The following CHRNA7 variants were observed in gnomAD, a reference collection of about 807,000 sequenced individuals.
The protein encoded by CHRNA7 is cholinergic receptor nicotinic alpha 7 subunit.
A neutral mutation model predicts 48.0 loss-of-function variants in CHRNA7; 17 were observed. The observed-to-expected ratio is 0.35, with a 90% CI of 0.24 to 0.53. CHRNA7 has a LOEUF of 0.53. CHRNA7 is among the 20% of genes least tolerant of loss of function. The pLI, the probability that CHRNA7 is intolerant of heterozygous loss-of-function variation, is 0.92. For missense variants in CHRNA7, 155 were observed against 577.7 expected, an observed-to-expected ratio of 0.27 and a Z score of 7.50; for synonymous variants, 75 against 242.3, an observed-to-expected ratio of 0.31 and a Z score of 6.41.
At chr15:32,105,735 G>T (rs1182957395) in intron 3 of CHRNA7, among the ~76,000 whole-genome samples, 3 of 152,120 alleles carry the variant, frequency 2.0e-5, no homozygotes, top group African/African-American at 7.2e-5. Context: ...TTACTTTTAG[G>T]TGCCTACCGA....
chr15:32,132,604 G>A (rs2051175345), intron 4 of CHRNA7, among the ~76,000 whole-genome samples: 1 of 152,158 alleles, frequency 6.6e-6, no homozygotes, highest in South Asian at 2.1e-4. Flanking sequence ...TCCCTGAAGA[G>A]AACTCTCTCT....
chr15:32,043,134 T>G (rs2049477844), intron 2 of CHRNA7, among the ~76,000 whole-genome samples: 1 of 152,224 alleles, frequency 6.6e-6, no homozygotes, highest in African/African-American at 2.4e-5. Context: ...AGTGGTACAC[T>G]TAGGCCCATT....
chr15:32,030,862 G>A (rs201469544), intron 1 of CHRNA7, 36 bp from the exon 2 acceptor site: 124 of 1,607,854 alleles, frequency 7.7e-5, no homozygotes, highest in Middle Eastern at 1.7e-4. Context: ...CCGCCGGCCT[G>A]CCCTGAGCCC....
intron 2 of CHRNA7, among the ~76,000 whole-genome samples, chr15:32,059,253 C>T (rs895267885): frequency 1.3e-5 from 2 of 152,138 alleles, no homozygotes; most frequent in African/African-American, 4.8e-5. Flanking sequence ...ATGTGCCCGC[C>T]TTGGCCTTCT....
rs1286508568 is a variant in CHRNA7, at chr15:32,167,536, G to A, written c.991-404G>A. The A allele has an allele frequency of 8.8e-5, 18 of 204,456 alleles. 2 individuals carry two copies. In the East Asian group the frequency reaches 2.7e-3, roughly 31 times the overall value. 12.7% of individuals were successfully genotyped at this position (204,456 alleles called of 1,614,324 possible). A position where few individuals can be genotyped will look rare whatever the true frequency, so the allele number is the denominator to read the frequency against. On this transcript the variant is annotated intron_variant, in intron 9 of 9. Transcript: ENST00000306901. ...AGGCACTCTTTGCGAATTTGCAGTG[G>A]CCTTCCAGGGCACCTAACAGGTAGT...
rs1271988359 is a variant in CHRNA7, at chr15:32,149,549, T to G, written c.351-4358T>G. Among the ~76,000 whole-genome samples the G allele has an allele frequency of 6.6e-6, 1 of 152,230 alleles. No individual in the cohort carries two copies. The highest frequency in any genetic ancestry group is 1.9e-4 in the East Asian group (1 of 5,198). On this transcript the variant is annotated intron_variant, in intron 4 of 9. Transcript: ENST00000306901. The surrounding 1 kb of genome is among the most constrained non-coding windows in gnomAD (Gnocchi z 4.6). ...AATGCTCAAAACAGATAAAGTAGTA[T>G]TAGCACAAATCCATTACAAGAGTTT...
At chr15:32,120,148 G>A (rs2050942911) in intron 4 of CHRNA7, among the ~76,000 whole-genome samples, 1 of 152,156 alleles carries the variant, frequency 6.6e-6, no homozygotes, top group Non-Finnish European at 1.5e-5. Flanking sequence ...GCGGGAAGCT[G>A]GTGCTCAGAG....
At chr15:32,061,835 C>CA (rs550781003) in intron 2 of CHRNA7, among the ~76,000 whole-genome samples, 9 of 151,816 alleles carry the variant, frequency 5.9e-5, no homozygotes, top group Non-Finnish European at 1.3e-4. Context: ...CAAAAAACAC[C>CA]AAAAAAACAA....
At chr15:32,094,883 C>T (rs1188120969) in intron 2 of CHRNA7, among the ~76,000 whole-genome samples, 3 of 152,134 alleles carry the variant, frequency 2.0e-5, no homozygotes, top group African/African-American at 2.4e-5. Context: ...CTCCTGGCCT[C>T]GTGATCTGCC....
chr15:32,069,356 G>A (rs2050017852), intron 2 of CHRNA7, among the ~76,000 whole-genome samples: 1 of 152,194 alleles, frequency 6.6e-6, no homozygotes. Flanking sequence ...AATAGTCAAA[G>A]CCACTGAGGC....
At position 32,105,605 on chromosome 15, in the gene CHRNA7, A is replaced by G. The variant is rs1285406737; in HGVS notation, c.240+4258A>G. 6.6e-5 allele frequency among the ~76,000 whole-genome samples: 10 copies of G among 152,348 alleles called. No homozygotes were observed. The East Asian group carries it at 7.7e-4, about 12-fold the overall frequency. On this transcript the variant is annotated intron_variant, in intron 3 of 9. Coordinates refer to ENST00000306901, the MANE Select transcript of CHRNA7 (RefSeq NM_000746.6). ...AGATGACAGCTGGTGGTCAGATAGT[A>G]GAGGCCAGACGTGGGAGAAATCTCT... is the stretch of plus-strand genomic sequence containing the variant.
chr15:32,083,978 A>C (rs914294097), intron 2 of CHRNA7, among the ~76,000 whole-genome samples: 3 of 152,144 alleles, frequency 2.0e-5, no homozygotes, highest in Non-Finnish European at 2.9e-5. Flanking sequence ...TATAAGCCCT[A>C]GATTAGATGG....
At chr15:32,038,434 T>C (rs2049390426) in intron 2 of CHRNA7, among the ~76,000 whole-genome samples, 1 of 152,158 alleles carries the variant, frequency 6.6e-6, no homozygotes, top group African/African-American at 2.4e-5. Flanking sequence ...TAATGGATTA[T>C]ATTAATTTTT....
chr15:32,051,615 G>A (rs536017031), intron 2 of CHRNA7, among the ~76,000 whole-genome samples: 1 of 152,142 alleles, frequency 6.6e-6, no homozygotes, highest in African/African-American at 2.4e-5. Context: ...GTGAGGCAAT[G>A]CCTCGCCCTG....
rs1211139542 is a variant in CHRNA7, at chr15:32,170,293, G to A, written c.*1835G>A. 2 of 122,570 alleles carry A rather than the reference G, an allele frequency of 1.6e-5. No individual in the cohort carries two copies. Among genetic ancestry groups the A allele is most frequent in the Non-Finnish European group, 3.4e-5 (2 of 59,318 alleles). 7.6% of individuals were successfully genotyped at this position (122,570 alleles called of 1,614,324 possible). ...TGTGTGTAAGTGTGAGGTACCTTGT[G>A]TGTGACAAGAGACCTCACTTACGAG... On this transcript the variant is annotated 3_prime_UTR_variant, in exon 10 of 10. Coordinates refer to ENST00000306901, the MANE Select transcript of CHRNA7 (RefSeq NM_000746.6).
At chr15:32,133,282 G>A (rs1230662341) in intron 4 of CHRNA7, among the ~76,000 whole-genome samples, 1 of 152,190 alleles carries the variant, frequency 6.6e-6, no homozygotes, top group East Asian at 1.9e-4. Context: ...ACATAGTTTA[G>A]AAATGGACAT....
chr15:32,141,975 A>C (rs1220234217), intron 4 of CHRNA7, among the ~76,000 whole-genome samples: 1 of 152,166 alleles, frequency 6.6e-6, no homozygotes, highest in Non-Finnish European at 1.5e-5. Context: ...GGAGTGGTGA[A>C]GAGGGCATCC....
At chr15:32,114,840 G>A (rs1319086066) in intron 4 of CHRNA7, among the ~76,000 whole-genome samples, 1 of 152,224 alleles carries the variant, frequency 6.6e-6, no homozygotes, top group African/African-American at 2.4e-5. Context: ...ACGTGGCATT[G>A]GGCACAGCCA....
intron 2 of CHRNA7, among the ~76,000 whole-genome samples, chr15:32,052,935 C>T (rs1268305219): frequency 6.6e-6 from 1 of 152,108 alleles, no homozygotes; most frequent in Non-Finnish European, 1.5e-5. Flanking sequence ...CCCGATGATA[C>T]TGATTTCATC....
Sources: allele counts gnomAD v4.1 joint callset (sites outside exome capture counted in the v4.1 genomes callset), GRCh38; gene constraint gnomAD v4.1.1; non-coding constraint Gnocchi (gnomAD v3.1); transcripts MANE v1.5; gene names NCBI Gene and HGNC (gene_info 2026-07-23, HGNC 2026-07-21).